The following MCF2 variants were observed in gnomAD, a reference collection of about 807,000 sequenced individuals.
MCF2 encodes proto-oncogene DBL.
Under a neutral mutation model 82.5 loss-of-function variants are expected in MCF2, and 44 were observed. That is an observed-to-expected ratio of 0.53 (90% CI 0.42 to 0.69). The LOEUF is 0.69. Among genes scored for constraint, MCF2 ranks in the 30% least tolerant of loss-of-function variants. The pLI, the probability that MCF2 is intolerant of heterozygous loss-of-function variation, is 0.00. For missense variants in MCF2, 623 were observed against 663.1 expected (o/e 0.94, Z 0.66); for synonymous variants, 217 against 224.9 (o/e 0.96, Z 0.32).
intron 5 of MCF2, 73 bp downstream of exon 8, chrX:139,626,550 T>C (rs1181950405): frequency 9.8e-7 from 1 of 1,015,816 alleles, no homozygotes. Context: ...ACTTAACATA[T>C]TGCAGCAAAA....
chrX:139,647,084 T>C (rs1006380201), upstream of MCF2, among the ~76,000 whole-genome samples: 2 of 111,753 alleles, frequency 1.8e-5, no homozygotes, highest in African/African-American at 6.5e-5. Flanking sequence ...GGTGGCAGAG[T>C]AGTTTCTCAA....
At chrX:139,689,278 T>A (rs908514350) in intron 1 of MCF2, among the ~76,000 whole-genome samples, 7 of 112,035 alleles carry the variant, frequency 6.2e-5, no homozygotes, top group African/African-American at 2.3e-4. Flanking sequence ...ACTTGGATGA[T>A]CTTTGTGAAA....
intron 23 of MCF2, 118 bp downstream of exon 27, chrX:139,586,260 T>C: frequency 2.0e-6 from 1 of 498,045 alleles, no homozygotes; most frequent in Admixed American, 3.0e-5. Flanking sequence ...CTTATAAAAA[T>C]GGGTTAACTG....
chrX:139,649,978 TAA>T (rs2148524598), intron 2 of MCF2, among the ~76,000 whole-genome samples: 1 of 112,107 alleles, frequency 8.9e-6, no homozygotes, highest in South Asian at 3.7e-4. Flanking sequence ...CCATATTAAT[TAA>T]GTCATCATTA....
intron 2 of MCF2, among the ~76,000 whole-genome samples, chrX:139,647,971 G>A (rs910287222): frequency 8.9e-6 from 1 of 112,200 alleles, no homozygotes; most frequent in African/African-American, 3.2e-5. Flanking sequence ...AATTAGCTCA[G>A]CAATAGAAAT....
intron 2 of MCF2, among the ~76,000 whole-genome samples, chrX:139,651,148 C>T (rs906038560): frequency 1.0e-5 from 1 of 98,607 alleles, no homozygotes; most frequent in African/African-American, 5.3e-5. Context: ...TACTTAATGC[C>T]GCTGAACTGT....
exon 1 of MCF2, chrX:139,642,596 G>C (rs1933635298): frequency 8.4e-7 from 1 of 1,183,807 alleles, no homozygotes; most frequent in East Asian, 3.1e-5. Flanking sequence ...TTCTTGGGTA[G>C]TATTTAAAAA....
At chrX:139,629,889 AG>A in intron 3 of MCF2, 45 bp from the exon 7 acceptor site, 2 of 1,105,033 alleles carry the variant, frequency 1.8e-6, no homozygotes, top group African/African-American at 3.6e-5. Flanking sequence ...TCACTCTGTG[AG>A]CATATCAAAA....
upstream of MCF2, chrX:139,646,939 A>G (rs755821601): frequency 5.1e-6 from 4 of 791,953 alleles, no homozygotes; most frequent in African/African-American, 8.4e-5. Flanking sequence ...TGAATTAAAA[A>G]TGTATATAAC....
At chrX:139,620,019 GTGTGTGTGTA>G (rs1252688569) in intron 6 of MCF2, among the ~76,000 whole-genome samples, 5 of 102,983 alleles carry the variant, frequency 4.9e-5, no homozygotes, top group Non-Finnish European at 7.9e-5. Flanking sequence ...GTGTGTGTGT[GTGTGTGTGTA>G]TATATATATA....
chrX:139,612,217 G>A lies in MCF2; in HGVS notation c.1364-1879C>T, dbSNP rs958112997. On this transcript the variant is annotated intron_variant, in intron 10 of 24. Transcript: ENST00000370576. ...AAGGTCCCAGGCTTGGGCAACTGGG[G>A]AAATCATAGTGCCATTCACCAAGAT... Among the ~76,000 whole-genome samples the A allele has an allele frequency of 4.5e-5, 5 of 110,879 alleles. No homozygotes were observed. The South Asian group carries it at 1.9e-3, about 43-fold the overall frequency.
rs373317260 is a variant in MCF2 at position 139,619,726 on chromosome X, A to G, written c.688-20T>C. ...CACAAGCTAAAAATACGAAACAAAG[A>G]GGTTTTAAAAACATAAAATTTATCC... On this transcript the variant is annotated intron_variant, in intron 6 of 24. Transcript: ENST00000370576. 5.8e-5 allele frequency: 63 copies of G among 1,095,369 alleles called. No individual in the cohort carries two copies. The African/African-American group carries it at 1.0e-3, about 17-fold the overall frequency. The allele number at this position is 1,095,369 out of a possible 1,213,427, so 90.3% of individuals were successfully genotyped here. A position where few individuals can be genotyped will look rare whatever the true frequency, so the allele number is the denominator to read the frequency against.
At chrX:139,667,491 C>T (rs1034902340) in intron 1 of MCF2, among the ~76,000 whole-genome samples, 2 of 111,575 alleles carry the variant, frequency 1.8e-5, no homozygotes, top group African/African-American at 6.5e-5. Context: ...AGGTAGGTGT[C>T]AGCTGAGGTG....
intron 1 of MCF2, among the ~76,000 whole-genome samples, chrX:139,658,307 C>T (rs764045084): frequency 9.3e-6 from 1 of 107,286 alleles, no homozygotes; most frequent in African/African-American, 3.5e-5. Context: ...AATATTGTTC[C>T]TTCAGTAAAT....
intron 1 of MCF2, among the ~76,000 whole-genome samples, chrX:139,676,700 C>T (rs12396191): frequency 0.093 from 10,406 of 111,674 alleles, 1,208 homozygotes; most frequent in African/African-American, 0.32. Context: ...GTTTTTCATA[C>T]ATGCAAAGCA....
At chrX:139,679,574 G>A (rs1934952466) in intron 1 of MCF2, among the ~76,000 whole-genome samples, 1 of 110,561 alleles carries the variant, frequency 9.0e-6, no homozygotes, top group African/African-American at 3.3e-5. Flanking sequence ...GATCTCCTGG[G>A]ACTCTACATC....
At chrX:139,633,131 G>C (rs150935375) in intron 1 of MCF2, among the ~76,000 whole-genome samples, 1 of 111,485 alleles carries the variant, frequency 9.0e-6, no homozygotes, top group East Asian at 2.8e-4. Context: ...CGAGACATAG[G>C]AAGGTCAAAA....
At chrX:139,664,692 G>A (rs1443192900) in intron 1 of MCF2, among the ~76,000 whole-genome samples, 1 of 112,323 alleles carries the variant, frequency 8.9e-6, no homozygotes, top group Admixed American at 9.4e-5. Context: ...ACCTAAAGTG[G>A]AAGACAGTAA....
intron 1 of MCF2, among the ~76,000 whole-genome samples, chrX:139,683,622 T>C (rs757464441): frequency 2.7e-4 from 30 of 112,810 alleles, no homozygotes; most frequent in Non-Finnish European, 4.5e-4. Context: ...GGTATTATGA[T>C]AGACTTATAG....
Sources: allele counts gnomAD v4.1 joint callset (sites outside exome capture counted in the v4.1 genomes callset), GRCh38; gene constraint gnomAD v4.1.1; transcripts MANE v1.5; gene names NCBI Gene and HGNC (gene_info 2026-07-23, HGNC 2026-07-21).